The following FGFR2 variants were observed in gnomAD, a reference collection of about 807,000 sequenced individuals.
FGFR2 encodes the protein BEK fibroblast growth factor receptor.
Under a neutral mutation model 95.9 loss-of-function variants are expected in FGFR2, and 19 were observed. The ratio of observed to expected loss-of-function variants is 0.20; its 90% CI spans 0.14 to 0.29. The LOEUF (loss-of-function observed/expected upper bound fraction) is 0.29, where lower values mean the gene tolerates loss of function less well. FGFR2 is among the 10% of genes least tolerant of loss of function. FGFR2 has a pLI of 1.00. For synonymous variants in FGFR2, 392 were observed against 393.3 expected (o/e 1.00, Z 0.04); for missense variants, 707 against 1,056.9 (o/e 0.67, Z 4.59).
Position 121,515,268 on chromosome 10 carries a change from G to C in FGFR2, c.1136C>G (p.Ala379Gly), listed in dbSNP as rs2134228962. Reference sequence around the variant, plus strand: ...TAAGAAGACCCCTATGCAGTAAATGGCTATCTCCAGGTAGTCTGGGGAAGC... The same window carrying C: ...TAAGAAGACCCCTATGCAGTAAATGCCTATCTCCAGGTAGTCTGGGGAAGC... ...ITASPDYLEI[A>G]IYCIGVFLIA... Residue 379 changes from alanine (A) to glycine (G), a missense_variant, in exon 9 of 18, where the codon GCC becomes GGC. Coordinates refer to ENST00000358487, the MANE Select transcript of FGFR2 (RefSeq NM_000141.5). 6.2e-7 allele frequency: 1 copy of C among 1,614,100 alleles called. No homozygotes were observed. Among genetic ancestry groups the C allele is most frequent in the South Asian group, 1.1e-5 (1 of 91,066 alleles).
chr10:121,589,115 A>C (rs1274388357), intron 2 of FGFR2, among the ~76,000 whole-genome samples: 1 of 152,234 alleles, frequency 6.6e-6, no homozygotes, highest in African/African-American at 2.4e-5. Context: ...AGTACAGTGG[A>C]GAGTAGCACA....
At chr10:121,556,395 T>TTCTCTCTCTCTCTCTCTCTCTCTCTCTC (rs1491482631) in intron 4 of FGFR2, among the ~76,000 whole-genome samples, 1 of 74,252 alleles carries the variant, frequency 1.3e-5, no homozygotes, top group African/African-American at 7.1e-5. Context: ...GTTTATAATC[T>TTCTCTCTCTCTCTCTCTCTCTCTCTCTC]ACTCTCTCTC....
intron 3 of FGFR2, among the ~76,000 whole-genome samples, chr10:121,565,176 C>CAAAAAAAAAAAAAAAAAAAAAAAAAAAAA (rs71865754): frequency 1.0e-5 from 1 of 98,026 alleles, no homozygotes; most frequent in Non-Finnish European, 2.1e-5. Context: ...GTCAGTGGTA[C>CAAAAAAAAAAAAAAAAAAAAAAAAAAAAA]AAAAAAAAAA....
chr10:121,508,894 T>G (rs887111937), intron 9 of FGFR2, among the ~76,000 whole-genome samples: 1 of 152,238 alleles, frequency 6.6e-6, no homozygotes, highest in African/African-American at 2.4e-5. Context: ...GGCTATAAAA[T>G]ACGGCTGGCT....
chr10:121,502,598 T>C (rs535945594), intron 10 of FGFR2, among the ~76,000 whole-genome samples: 2 of 152,326 alleles, frequency 1.3e-5, no homozygotes, highest in Admixed American at 1.3e-4. Flanking sequence ...GCTCATCAGA[T>C]CAGTCTCTGG....
chr10:121,490,508 G>A (rs953261025), intron 13 of FGFR2, among the ~76,000 whole-genome samples: 1 of 152,172 alleles, frequency 6.6e-6, no homozygotes, highest in African/African-American at 2.4e-5. Context: ...GTGAGCTGCT[G>A]CATTTTTGTT....
chr10:121,528,336 ACAACAAT>A (rs1359600076), intron 6 of FGFR2, among the ~76,000 whole-genome samples: 3 of 152,196 alleles, frequency 2.0e-5, no homozygotes, highest in Non-Finnish European at 2.9e-5. Flanking sequence ...AAAGATCTGC[ACAACAAT>A]CATATTGTTT....
chr10:121,499,746 G>A (rs1847348508), intron 11 of FGFR2, among the ~76,000 whole-genome samples: 1 of 152,244 alleles, frequency 6.6e-6, no homozygotes, highest in African/African-American at 2.4e-5. Flanking sequence ...TCAGTCAGTG[G>A]TGCCATGACA....
intron 9 of FGFR2, among the ~76,000 whole-genome samples, chr10:121,513,253 TATGTC>T (rs1349531861): frequency 6.6e-6 from 1 of 152,210 alleles, no homozygotes; most frequent in Non-Finnish European, 1.5e-5. Context: ...AGAACATTCT[TATGTC>T]AACTTCCAAT....
At chr10:121,586,640 T>A (rs1471461709) in intron 2 of FGFR2, among the ~76,000 whole-genome samples, 3 of 152,170 alleles carry the variant, frequency 2.0e-5, no homozygotes, top group Non-Finnish European at 4.4e-5. Context: ...CCAAAATTAC[T>A]GAAAATCTAA....
intron 4 of FGFR2, among the ~76,000 whole-genome samples, chr10:121,559,715 T>G (rs1365859601): frequency 1.3e-5 from 2 of 152,214 alleles, no homozygotes; most frequent in Non-Finnish European, 2.9e-5. Context: ...GAACCCTGCT[T>G]GCAAGGTGAA....
chr10:121,513,134 A>C (rs1849274790), intron 9 of FGFR2, among the ~76,000 whole-genome samples: 1 of 152,230 alleles, frequency 6.6e-6, no homozygotes. Context: ...TCAGCCTCCC[A>C]AAGTGCTGGG....
intron 2 of FGFR2, among the ~76,000 whole-genome samples, chr10:121,577,107 C>G (rs1332939263): frequency 1.6e-5 from 2 of 124,744 alleles, no homozygotes; most frequent in Non-Finnish European, 3.2e-5. Flanking sequence ...TGTGCTCCAG[C>G]CTGGATGACA....
rs76266908 is a variant in FGFR2 at position 121,591,011 on chromosome 10, A to ACT, written c.109+2696_109+2697dup. ...CGCGCACACACACACACACACGCAC[A>ACT]CTCTCTCTCTCTCTCTCTCTCTTCC... On this transcript the variant is annotated intron_variant, in intron 2 of 17. Coordinates refer to ENST00000358487, the MANE Select transcript of FGFR2 (RefSeq NM_000141.5). Among the ~76,000 whole-genome samples the ACT allele has an allele frequency of 4.8e-3, 692 of 144,430 alleles. 5 individuals carry two copies. The highest frequency in any genetic ancestry group is 0.015 in the African/African-American group (576 of 39,468). 94.8% of individuals were successfully genotyped at this position (144,430 alleles called of 152,430 possible).
At chr10:121,574,491 T>C (rs541741928) in intron 2 of FGFR2, among the ~76,000 whole-genome samples, 19 of 152,060 alleles carry the variant, frequency 1.2e-4, no homozygotes, top group Admixed American at 1.0e-3. Flanking sequence ...ATCGCACCAC[T>C]GCACTCCAGC....
intron 6 of FGFR2, among the ~76,000 whole-genome samples, chr10:121,525,166 T>A (rs559786261): frequency 6.6e-6 from 1 of 152,236 alleles, no homozygotes; most frequent in African/African-American, 2.4e-5. Context: ...TAATTACATA[T>A]ATACACATAT....
chr10:121,554,505 ATTTTTT>A (rs11334001), intron 4 of FGFR2, among the ~76,000 whole-genome samples: 8 of 121,968 alleles, frequency 6.6e-5, no homozygotes, highest in African/African-American at 2.4e-4. Flanking sequence ...TGCCCGGCTA[ATTTTTT>A]TTTTTTTTTT....
rs2135086577 is a variant in FGFR2, at chr10:121,564,501, C to T, written c.454+1G>A. 1.2e-6 allele frequency: 2 copies of T among 1,613,692 alleles called. No individual in the cohort carries two copies. Among genetic ancestry groups the T allele is most frequent in the South Asian group, 2.2e-5 (2 of 91,052 alleles). ...ACCATCGGAGCCGGGCAGTTACTTACTCTTGTTGTTACTGTTCTCACTGAC... is the reference window on the plus strand; with the variant it reads ...ACCATCGGAGCCGGGCAGTTACTTATTCTTGTTGTTACTGTTCTCACTGAC... On this transcript the variant is annotated splice_donor_variant, in intron 4 of 17. Transcript: ENST00000358487. LOFTEE classifies it high-confidence loss of function.
intron 9 of FGFR2, among the ~76,000 whole-genome samples, chr10:121,506,357 C>CAAAAAAAAAAAAAA (rs10678814): frequency 2.9e-4 from 29 of 101,142 alleles, no homozygotes; most frequent in African/African-American, 1.1e-3. Context: ...GACTCCGTCT[C>CAAAAAAAAAAAAAA]AAAAAAAAAA....
Sources: gnomAD v4.1 joint callset for allele counts (sites outside exome capture counted in the v4.1 genomes callset) on GRCh38, gnomAD v4.1.1 for gene constraint, MANE v1.5 for transcripts, NCBI Gene and HGNC (gene_info 2026-07-23, HGNC 2026-07-21) for gene names.